Variants in GALNT6 observed in about 807,000 individuals in gnomAD.
GALNT6 encodes polypeptide N-acetylgalactosaminyltransferase 6.
GALNT6 carries 51 observed loss-of-function variants against 65.9 expected under a neutral mutation model. The observed-to-expected ratio is 0.77, with a 90% CI of 0.62 to 0.98. The LOEUF (loss-of-function observed/expected upper bound fraction) is 0.98. Among genes scored for constraint, GALNT6 ranks in the 50% least tolerant of loss-of-function variants. GALNT6 has a pLI of 0.00. For missense variants in GALNT6, 708 were observed against 803.3 expected (o/e 0.88, Z 1.43); for synonymous variants, 323 against 315.1 (o/e 1.02, Z -0.26).
chr12:51,364,291 C>T lies in GALNT6; in HGVS notation c.879G>A (p.Val293=), dbSNP rs374088917. Reference sequence around the variant, plus strand: ...CGATGGTGACGATGTCTGGGCTCACCACCACTGTCTTGTCCTCAGCGATTC... The same window carrying T: ...CGATGGTGACGATGTCTGGGCTCACTACCACTGTCTTGTCCTCAGCGATTC... ...LARIAEDKTV[V]VSPDIVTIDL... is the part of the protein sequence containing the mutation. The change falls in exon 6 of 12, where the codon GTG becomes GTA. Residue 293 remains valine, a synonymous_variant. Coordinates refer to ENST00000356317, the MANE Select transcript of GALNT6 (RefSeq NM_007210.4). The T allele has an allele frequency of 1.9e-6, 3 of 1,614,100 alleles. No homozygotes were observed. In the African/African-American group the frequency reaches 4.0e-5, roughly 22 times the overall value.
intron 6 of GALNT6, among the ~76,000 whole-genome samples, chr12:51,363,558 T>C (rs1946994850): frequency 6.6e-6 from 1 of 152,276 alleles, no homozygotes; most frequent in Admixed American, 6.5e-5. Context: ...ATTTATCATC[T>C]GGCCCTTCAC....
At chr12:51,364,382 G>A (rs762039276) in intron 5 of GALNT6, 27 bp from the exon 6 acceptor site, 1 of 1,521,614 alleles carries the variant, frequency 6.6e-7, no homozygotes, top group South Asian at 1.1e-5. Context: ...GGAGGCAGCA[G>A]TCAGGGCCCT....
rs550824190 is a variant in GALNT6 at position 51,373,718 on chromosome 12, A to G, written c.664+3477T>C. On this transcript the variant is annotated intron_variant, in intron 4 of 11. Coordinates refer to ENST00000356317, the MANE Select transcript of GALNT6 (RefSeq NM_007210.4). ...CATTCCATACAACCTTTCCATTGCT[A>G]CAAAGATTCCCTAGAGATCACTGCC... Among the ~76,000 whole-genome samples, 23 of 152,296 alleles carry G rather than the reference A, an allele frequency of 1.5e-4. No individual in the cohort carries two copies. The South Asian group carries it at 3.5e-3, about 23-fold the overall frequency.
chr12:51,363,487 T>A (rs1343649076), intron 6 of GALNT6, among the ~76,000 whole-genome samples: 1 of 152,076 alleles, frequency 6.6e-6, no homozygotes, highest in African/African-American at 2.4e-5. Flanking sequence ...GTAAAAAAAA[T>A]AAAAAATAAA....
chr12:51,369,027 C>A (rs1040942954), intron 4 of GALNT6, among the ~76,000 whole-genome samples: 1 of 152,212 alleles, frequency 6.6e-6, no homozygotes, highest in African/African-American at 2.4e-5. Flanking sequence ...GGTGCTGGCC[C>A]TGACAGGAAG....
At chr12:51,366,889 A>G (rs1379911784) in intron 4 of GALNT6, among the ~76,000 whole-genome samples, 1 of 152,226 alleles carries the variant, frequency 6.6e-6, no homozygotes, top group Non-Finnish European at 1.5e-5. Context: ...GCACTTTGGG[A>G]GGCCAAGGCA....
At chr12:51,386,238 T>C (rs1017686141) in intron 2 of GALNT6, among the ~76,000 whole-genome samples, 2 of 152,208 alleles carry the variant, frequency 1.3e-5, no homozygotes, top group African/African-American at 4.8e-5. Context: ...ACACAGCTAG[T>C]GGCTCCCAGG....
intron 4 of GALNT6, among the ~76,000 whole-genome samples, chr12:51,375,644 G>A (rs146901527): frequency 0.022 from 3,330 of 150,100 alleles, 55 homozygotes; most frequent in Non-Finnish European, 0.034. Flanking sequence ...TGCAACCTCC[G>A]CCTCCTGGGT....
intron 10 of GALNT6, 98 bp from the exon 11 acceptor site, chr12:51,356,056 G>T: frequency 9.3e-7 from 1 of 1,075,520 alleles, no homozygotes; most frequent in Non-Finnish European, 1.4e-6. Context: ...TCCTGGGGAG[G>T]AGAGTGAATG....
chr12:51,381,824 A>G (rs1333373793), intron 2 of GALNT6, among the ~76,000 whole-genome samples: 1 of 152,266 alleles, frequency 6.6e-6, no homozygotes, highest in Non-Finnish European at 1.5e-5. Flanking sequence ...TTCTATTATT[A>G]TGATAAATCC....
intron 4 of GALNT6, 96 bp from the exon 5 acceptor site, chr12:51,365,675 G>T: frequency 2.3e-6 from 3 of 1,305,868 alleles, no homozygotes; most frequent in South Asian, 1.5e-5. Context: ...CCTCTAGCAG[G>T]CCTGAATTTT....
chr12:51,382,078 T>A (rs144993741), intron 2 of GALNT6, among the ~76,000 whole-genome samples: 297 of 152,340 alleles, frequency 1.9e-3, no homozygotes, highest in African/African-American at 6.4e-3. Context: ...GCTTCTTTTA[T>A]AACATCAGAT....
intron 2 of GALNT6, among the ~76,000 whole-genome samples, chr12:51,382,975 A>T (rs1409905627): frequency 1.3e-5 from 2 of 152,196 alleles, no homozygotes; most frequent in Non-Finnish European, 2.9e-5. Context: ...TGAAGGAAGC[A>T]CCTGACCAGG....
chr12:51,355,124 C>A (rs1592308214), intron 11 of GALNT6, among the ~76,000 whole-genome samples: 1 of 152,168 alleles, frequency 6.6e-6, no homozygotes, highest in Non-Finnish European at 1.5e-5. Flanking sequence ...AGTGACTATT[C>A]CTGCTTGGAA....
At position 51,355,854 on chromosome 12, in the gene GALNT6, A is replaced by C; in HGVS notation, c.1707T>G (p.Thr569=). Residue 569 remains threonine, a synonymous_variant, in exon 11 of 12, where the codon ACT becomes ACG. Coordinates refer to ENST00000356317, the MANE Select transcript of GALNT6 (RefSeq NM_007210.4). ...GALGLGSCHF[T]GKNSQVPKDE... ...CCTTGGGGACCTGGCTATTCTTGCC[A>C]GTGAAGTGACAGCTCCCAAGGCCCA... 3.1e-6 allele frequency: 5 copies of C among 1,613,976 alleles called. No homozygotes were observed. The highest frequency in any genetic ancestry group is 4.2e-6 in the Non-Finnish European group (5 of 1,179,870).
chr12:51,356,353 CTTTTTTT>C (rs58408607), intron 10 of GALNT6, among the ~76,000 whole-genome samples: 54 of 66,954 alleles, frequency 8.1e-4, no homozygotes, highest in Non-Finnish European at 9.8e-4. Flanking sequence ...TATATTTTCT[CTTTTTTT>C]TTTTTTTTTT....
At chr12:51,369,956 C>A (rs1947235687) in intron 4 of GALNT6, among the ~76,000 whole-genome samples, 1 of 152,170 alleles carries the variant, frequency 6.6e-6, no homozygotes, top group Non-Finnish European at 1.5e-5. Flanking sequence ...CAGATCATGT[C>A]ACTACAGCGG....
intron 5 of GALNT6, among the ~76,000 whole-genome samples, chr12:51,364,718 C>T (rs1431829407): frequency 1.3e-5 from 2 of 152,234 alleles, no homozygotes; most frequent in African/African-American, 4.8e-5. Flanking sequence ...TTCCCCCTCC[C>T]AGGGGCATCC....
At chr12:51,375,290 G>T (rs879713272) in intron 4 of GALNT6, among the ~76,000 whole-genome samples, 1 of 152,108 alleles carries the variant, frequency 6.6e-6, no homozygotes, top group African/African-American at 2.4e-5. Flanking sequence ...TTCTCTTGTG[G>T]GAATGCCCTT....
Sources: allele counts gnomAD v4.1 joint callset (sites outside exome capture counted in the v4.1 genomes callset), GRCh38; gene constraint gnomAD v4.1.1; transcripts MANE v1.5; gene names NCBI Gene and HGNC (gene_info 2026-07-23, HGNC 2026-07-21).